Variants in C19orf18 observed in about 807,000 individuals in gnomAD.
The protein encoded by C19orf18 is chromosome 19 open reading frame 18.
C19orf18 carries 21 observed loss-of-function variants against 23.3 expected under a neutral mutation model. The ratio of observed to expected loss-of-function variants is 0.90; its 90% CI spans 0.64 to 1.30. C19orf18 has a LOEUF of 1.30. C19orf18 is among the 50% of genes most tolerant of loss of function. The pLI is 0.00. For synonymous variants in C19orf18, 96 were observed against 95.2 expected, an observed-to-expected ratio of 1.01 and a Z score of -0.05; for missense variants, 249 against 259.6, an observed-to-expected ratio of 0.96 and a Z score of 0.28.
chr19:57,965,858 A>G (rs189594582), intron 4 of C19orf18, among the ~76,000 whole-genome samples: 92 of 152,338 alleles, frequency 6.0e-4, no homozygotes, highest in African/African-American at 2.2e-3. Flanking sequence ...CATGACTCCC[A>G]GTAAGAAATA....
Position 57,966,636 on chromosome 19 carries a change from A to G in C19orf18, c.269-4T>C, listed in dbSNP as rs1388456499. On this transcript the variant is annotated splice_region_variant and splice_polypyrimidine_tract_variant and intron_variant, in intron 3 of 5. Transcript: ENST00000314391. ...GCAGGTCTATGCCGAATTATTGCTAAAAAGAAAGAAAAGAAAAGAAGTGCT... is the reference window on the plus strand; with the variant it reads ...GCAGGTCTATGCCGAATTATTGCTAGAAAGAAAGAAAAGAAAAGAAGTGCT... The G allele has an allele frequency of 1.3e-6, 2 of 1,573,738 alleles. No homozygotes were observed. The highest frequency in any genetic ancestry group is 1.7e-6 in the Non-Finnish European group (2 of 1,145,724).
intron 3 of C19orf18, among the ~76,000 whole-genome samples, chr19:57,968,009 C>T (rs1386325892): frequency 3.2e-5 from 3 of 95,218 alleles, no homozygotes; most frequent in East Asian, 5.0e-4. Context: ...GAGACCCTGT[C>T]TCAAAAAAAG....
At chr19:57,971,579 T>A (rs1212232172) in intron 3 of C19orf18, among the ~76,000 whole-genome samples, 2 of 152,158 alleles carry the variant, frequency 1.3e-5, no homozygotes, top group Non-Finnish European at 1.5e-5. Context: ...CATGCGATTC[T>A]CCCGCCTCAG....
At chr19:57,973,988 C>T in intron 2 of C19orf18, 111 bp downstream of exon 2, 2 of 1,026,186 alleles carry the variant, frequency 1.9e-6, no homozygotes, top group Non-Finnish European at 2.9e-6. Flanking sequence ...TAATTATACT[C>T]TATTTTATGG....
intron 3 of C19orf18, among the ~76,000 whole-genome samples, chr19:57,969,577 A>AAAAAAAAAAAAAAAAAAAAAAAAAAC (rs2072931060): frequency 8.0e-6 from 1 of 124,904 alleles, no homozygotes; most frequent in African/African-American, 2.6e-5. Context: ...AAAAAAAAAA[A>AAAAAAAAAAAAAAAAAAAAAAAAAAC]AAAAAAAAAA....
chr19:57,972,487 G>T lies in C19orf18; in HGVS notation c.244C>A (p.Pro82Thr). The change falls in exon 3 of 6, where the codon CCC becomes ACC. Residue 82 changes from proline (P) to threonine (T), a missense_variant. Pro to Thr is a conservative substitution (Grantham distance 38). Transcript: ENST00000314391. Reference protein sequence around the residue: ...SRSTAASPTNPMKFLRNKAII... With the variant: ...SRSTAASPTNTMKFLRNKAII... Reference sequence around the variant, plus strand: ...CCTTTATTCCTCAGGAATTTCATGGGGTTCGTAGGGGATGCAGCTAAAAGG... The same window carrying T: ...CCTTTATTCCTCAGGAATTTCATGGTGTTCGTAGGGGATGCAGCTAAAAGG... The T allele has an allele frequency of 6.2e-7, 1 of 1,614,080 alleles. No homozygotes were observed. Among genetic ancestry groups the T allele is most frequent in the East Asian group, 2.2e-5 (1 of 44,878 alleles).
chr19:57,974,005 C>G (rs769538190), intron 2 of C19orf18, 94 bp downstream of exon 2: 37 of 1,244,578 alleles, frequency 3.0e-5, no homozygotes, highest in Non-Finnish European at 4.1e-5. Context: ...ATGGACCTTT[C>G]TACCAGCAAG....
In C19orf18 at chr19:57,972,524, G is replaced by C. The variant is rs948686785; in HGVS notation, c.227-20C>G. On this transcript the variant is annotated intron_variant, in intron 2 of 5. Coordinates refer to ENST00000314391, the MANE Select transcript of C19orf18 (RefSeq NM_152474.5). Reference sequence around the variant, plus strand: ...ATGCAGCTAAAAGGCCATCAAAGGGGATCAAAAAGAAGAGACTTTAAGATG... The same window carrying C: ...ATGCAGCTAAAAGGCCATCAAAGGGCATCAAAAAGAAGAGACTTTAAGATG... 10 of 1,612,396 alleles carry C rather than the reference G, an allele frequency of 6.2e-6. No individual in the cohort carries two copies. Among genetic ancestry groups the C allele is most frequent in the African/African-American group, 2.7e-5 (2 of 74,800 alleles).
chr19:57,960,578 G>T (rs557270994), intron 5 of C19orf18, among the ~76,000 whole-genome samples: 1 of 152,270 alleles, frequency 6.6e-6, no homozygotes, highest in African/African-American at 2.4e-5. Flanking sequence ...TGTGGGTCTG[G>T]ATCCCATTTT....
chr19:57,961,519 A>C lies in C19orf18; in HGVS notation c.404T>G (p.Leu135Arg), dbSNP rs751875655. Residue 135 changes from leucine (L) to arginine (R), a missense_variant, in exon 5 of 6, where the codon CTC becomes CGC. By Grantham distance (102) the Leu-to-Arg change is moderately radical. Transcript: ENST00000314391. Reference sequence around the variant, plus strand: ...CCTGAGGTTCTTATAAAGTGACTCGAGCTGTTGTCTTTCCTCAGCCTGTGC... The same window carrying C: ...CCTGAGGTTCTTATAAAGTGACTCGCGCTGTTGTCTTTCCTCAGCCTGTGC... Reference protein sequence around the residue: ...RLAQAEERQQLESLYKNLRIP... With the variant: ...RLAQAEERQQRESLYKNLRIP... 5 of 1,613,840 alleles carry C rather than the reference A, an allele frequency of 3.1e-6. No homozygotes were observed. Among genetic ancestry groups the C allele is most frequent in the Non-Finnish European group, 3.4e-6 (4 of 1,179,988 alleles).
intron 3 of C19orf18, among the ~76,000 whole-genome samples, chr19:57,967,332 T>C (rs964909731): frequency 2.6e-5 from 4 of 152,154 alleles, no homozygotes; most frequent in South Asian, 2.1e-4. Context: ...GAGAGATGGA[T>C]TTTGTTTTTT....
chr19:57,960,215 A>G (rs2072857400), intron 5 of C19orf18, among the ~76,000 whole-genome samples: 1 of 152,112 alleles, frequency 6.6e-6, no homozygotes, highest in African/African-American at 2.4e-5. Flanking sequence ...TTACAAGGTC[A>G]GGAGATCGAG....
At position 57,974,333 on chromosome 19, in the gene C19orf18, C is replaced by T. The variant is rs781334056; in HGVS notation, c.100G>A (p.Gly34Arg). Residue 34 changes from glycine to arginine, a missense_variant, in exon 1 of 6, where the codon GGA (glycine) becomes AGA (arginine). Gly to Arg is a moderately radical substitution (Grantham distance 125). Transcript: ENST00000314391. Reference sequence around the variant, plus strand: ...CTACCTGGTAAGCCTGTTATGTTTCCAGTGGGATGGAGTCCATCTGCATAC... The same window carrying T: ...CTACCTGGTAAGCCTGTTATGTTTCTAGTGGGATGGAGTCCATCTGCATAC... ...LPYADGLHPT[G>R]NITGLPGSKR... The T allele has an allele frequency of 6.2e-7, 1 of 1,614,136 alleles. No homozygotes were observed. Among genetic ancestry groups the T allele is most frequent in the South Asian group, 1.1e-5 (1 of 91,068 alleles).
In C19orf18 at chr19:57,966,648, A is replaced by G. The variant is rs763808608; in HGVS notation, c.269-16T>C. 6 of 1,551,280 alleles carry G rather than the reference A, an allele frequency of 3.9e-6. No individual in the cohort carries two copies. The highest frequency in any genetic ancestry group is 1.4e-5 in the African/African-American group (1 of 73,428). On this transcript the variant is annotated splice_polypyrimidine_tract_variant and intron_variant, in intron 3 of 5. Coordinates refer to ENST00000314391, the MANE Select transcript of C19orf18 (RefSeq NM_152474.5). ...CGAATTATTGCTAAAAAGAAAGAAAAGAAAAGAAGTGCTCAAAAATGTTCA... is the reference window on the plus strand; with the variant it reads ...CGAATTATTGCTAAAAAGAAAGAAAGGAAAAGAAGTGCTCAAAAATGTTCA...
At chr19:57,973,432 TA>T (rs1446404840) in intron 2 of C19orf18, among the ~76,000 whole-genome samples, 1 of 151,500 alleles carries the variant, frequency 6.6e-6, no homozygotes, top group Non-Finnish European at 1.5e-5. Flanking sequence ...AAAATGCTTA[TA>T]AAGAATTCTC....
intron 2 of C19orf18, 119 bp from the exon 3 acceptor site, chr19:57,972,623 T>A: frequency 9.2e-7 from 1 of 1,085,810 alleles, no homozygotes; most frequent in Non-Finnish European, 1.4e-6. Context: ...AGCTTCCAAA[T>A]ATCTAAGATG....
intron 5 of C19orf18, among the ~76,000 whole-genome samples, chr19:57,960,118 A>G (rs1472473839): frequency 6.7e-6 from 1 of 148,384 alleles, no homozygotes; most frequent in Non-Finnish European, 1.5e-5. Flanking sequence ...CAAAAAAAAA[A>G]GATAAATAAA....
Position 57,968,560 on chromosome 19 carries a change from T to A in C19orf18, c.269-1928A>T, listed in dbSNP as rs562926988. Among the ~76,000 whole-genome samples, 5 of 152,228 alleles carry A rather than the reference T, an allele frequency of 3.3e-5. No homozygotes were observed. The South Asian group carries it at 1.0e-3, about 32-fold the overall frequency. On this transcript the variant is annotated intron_variant, in intron 3 of 5. Coordinates refer to ENST00000314391, the MANE Select transcript of C19orf18 (RefSeq NM_152474.5). Reference sequence around the variant, plus strand: ...TTGTTTGTGAAGGAGGCAAACAAGGTCATTCTGGGAGAGCAAGGCTGGGGT... The same window carrying A: ...TTGTTTGTGAAGGAGGCAAACAAGGACATTCTGGGAGAGCAAGGCTGGGGT...
chr19:57,968,709 C>G (rs2072924273), intron 3 of C19orf18, among the ~76,000 whole-genome samples: 1 of 152,098 alleles, frequency 6.6e-6, no homozygotes, highest in Non-Finnish European at 1.5e-5. Flanking sequence ...AATGGAATTG[C>G]TGGGTGTATT....
Sources: allele counts gnomAD v4.1 joint callset (sites outside exome capture counted in the v4.1 genomes callset), GRCh38; gene constraint gnomAD v4.1.1; transcripts MANE v1.5; gene names NCBI Gene and HGNC (gene_info 2026-07-23, HGNC 2026-07-21).